Variants in AKAP13 observed in about 807,000 individuals in gnomAD.
AKAP13 encodes A-kinase anchoring protein 13.
AKAP13 carries 80 observed loss-of-function variants against 264.5 expected under a neutral mutation model. The observed-to-expected ratio is 0.30, with a 90% CI of 0.25 to 0.36. AKAP13 has a LOEUF of 0.36. Among genes scored for constraint, AKAP13 ranks in the 10% least tolerant of loss-of-function variants. The pLI is 1.00. For synonymous variants in AKAP13, 1,380 were observed against 1,250.2 expected (o/e 1.10, Z -2.19); for missense variants, 3,712 against 3,435.2 (o/e 1.08, Z -2.01).
At chr15:85,740,109 T>A in intron 33 of AKAP13, 113 bp from the exon 34 acceptor site, 3 of 1,056,912 alleles carry the variant, frequency 2.8e-6, no homozygotes, top group South Asian at 1.4e-5. Flanking sequence ...CATAAAGATA[T>A]AAGCATTTAG....
chr15:85,656,330 C>T (rs777445296), intron 11 of AKAP13, among the ~76,000 whole-genome samples: 1 of 152,204 alleles, frequency 6.6e-6, no homozygotes, highest in African/African-American at 2.4e-5. Flanking sequence ...ATTCATTTTA[C>T]ATTCATTACA....
At chr15:85,474,876 C>T (rs1297453720) in intron 1 of AKAP13, among the ~76,000 whole-genome samples, 2 of 152,186 alleles carry the variant, frequency 1.3e-5, no homozygotes, top group Non-Finnish European at 2.9e-5. Context: ...TTTTTAACGT[C>T]TCTGATCCCC....
chr15:85,726,612 GT>G, intron 27 of AKAP13, 126 bp downstream of exon 27: 1 of 766,476 alleles, frequency 1.3e-6, no homozygotes, highest in Non-Finnish European at 2.0e-6. Context: ...ATTCCTCTGA[GT>G]AATTTCCCAC....
chr15:85,635,625 G>T (rs2082038466), intron 8 of AKAP13, among the ~76,000 whole-genome samples: 1 of 151,650 alleles, frequency 6.6e-6, no homozygotes, highest in African/African-American at 2.4e-5. Flanking sequence ...AGAAATCTTT[G>T]TGTAACCGAA....
intron 16 of AKAP13, chr15:85,685,461 C>CGT (rs57756488): frequency 0.032 from 4,782 of 147,294 alleles, 80 homozygotes; most frequent in African/African-American, 0.038. Context: ...ATGTTTAAAC[C>CGT]GTGTGTGTGT....
chr15:85,626,014 G>A (rs554598356), intron 8 of AKAP13, among the ~76,000 whole-genome samples: 2 of 152,244 alleles, frequency 1.3e-5, no homozygotes, highest in Admixed American at 6.5e-5. Context: ...AATATGATAC[G>A]CTTGGTGGTA....
intron 18 of AKAP13, among the ~76,000 whole-genome samples, chr15:85,709,591 G>A (rs911981322): frequency 6.6e-6 from 1 of 152,148 alleles, no homozygotes; most frequent in Non-Finnish European, 1.5e-5. Flanking sequence ...GAATGTACTA[G>A]TTTATACAGA....
At position 85,662,255 on chromosome 15, in the gene AKAP13, T is replaced by G. The variant is rs528588019; in HGVS notation, c.4800-2308T>G. The G allele has an allele frequency of 2.3e-4, 177 of 783,186 alleles. No individual in the cohort carries two copies. In the African/African-American group the frequency reaches 2.7e-3, roughly 12 times the overall value. The allele number at this position is 783,186 out of a possible 1,614,324, so 48.5% of individuals were successfully genotyped here. ...CTTTTTAAAAATTGTCAGTGTTACATTCCTAAATTTTTTGTTGATCGCATA... is the reference window on the plus strand; with the variant it reads ...CTTTTTAAAAATTGTCAGTGTTACAGTCCTAAATTTTTTGTTGATCGCATA... On this transcript the variant is annotated intron_variant, in intron 12 of 36. Transcript: ENST00000394518.
intron 1 of AKAP13, among the ~76,000 whole-genome samples, chr15:85,387,418 T>C (rs2070629031): frequency 6.6e-6 from 1 of 152,086 alleles, no homozygotes; most frequent in Non-Finnish European, 1.5e-5. Flanking sequence ...GCAGCCTTGA[T>C]CTCCTGGGCC....
At chr15:85,616,839 C>T (rs766935297) in intron 8 of AKAP13, among the ~76,000 whole-genome samples, 12 of 152,278 alleles carry the variant, frequency 7.9e-5, no homozygotes, top group Admixed American at 4.6e-4. Context: ...CTGAGCAGAT[C>T]CAGAGGGGAA....
intron 14 of AKAP13, among the ~76,000 whole-genome samples, chr15:85,673,496 A>G (rs2084029959): frequency 6.6e-6 from 1 of 152,140 alleles, no homozygotes; most frequent in Admixed American, 6.5e-5. Flanking sequence ...AAACTTCTCC[A>G]TGGAATGTGT....
chr15:85,543,984 C>T (rs771570688), intron 5 of AKAP13, 29 bp downstream of exon 5: 10 of 1,609,476 alleles, frequency 6.2e-6, no homozygotes, highest in East Asian at 4.5e-5. Context: ...TTATTTCCCT[C>T]CTCTCATCCC....
At chr15:85,530,829 A>G (rs8030935) in intron 3 of AKAP13, among the ~76,000 whole-genome samples, 133,752 of 152,150 alleles carry the variant, frequency 0.88, 59,233 homozygotes, top group African/African-American at 0.95. Context: ...GTGAGGCTAT[A>G]TATGGTGTTT....
rs142338739 is a variant in AKAP13 at position 85,485,696 on chromosome 15, C to G, written c.-11-14C>G. 1 of 1,611,612 alleles carries G rather than the reference C, an allele frequency of 6.2e-7. No homozygotes were observed. Among genetic ancestry groups the G allele is most frequent in the Non-Finnish European group, 8.5e-7 (1 of 1,178,056 alleles). On this transcript the variant is annotated splice_polypyrimidine_tract_variant and intron_variant, in intron 1 of 36. Transcript: ENST00000394518. ...CTTTTAATTTTATTCTCATTTATTC[C>G]ATTTCTGTTTCAGTGTCCTGGGTCA...
At position 85,689,678 on chromosome 15, in the gene AKAP13, G is replaced by GT. The variant is rs2085161985; in HGVS notation, c.5290-3598dup. 2.0e-5 allele frequency among the ~76,000 whole-genome samples: 3 copies of GT among 152,306 alleles called. No homozygotes were observed. In the South Asian group the frequency reaches 6.2e-4, roughly 32 times the overall value. ...AAATGAGGAGTCTATTTTAAAATAG[G>GT]TAAGATGTGTTCCTTAACTTCCCGT... On this transcript the variant is annotated intron_variant, in intron 16 of 36. Coordinates refer to ENST00000394518, the MANE Select transcript of AKAP13 (RefSeq NM_007200.5).
chr15:85,435,884 G>A lies in AKAP13; in HGVS notation c.-11-49826G>A, dbSNP rs368584514. On this transcript the variant is annotated intron_variant, in intron 1 of 36. Coordinates refer to ENST00000394518, the MANE Select transcript of AKAP13 (RefSeq NM_007200.5). ...ATCATGCCAAAATGTAAAGACCATC[G>A]AGACTAGGAAGAAACTGCATCAACT... 2.8e-4 allele frequency among the ~76,000 whole-genome samples: 41 copies of A among 144,192 alleles called. No individual in the cohort carries two copies. The South Asian group carries it at 6.0e-3, about 21-fold the overall frequency. The allele number at this position is 144,192 out of a possible 152,430, so 94.6% of individuals were successfully genotyped here.
At chr15:85,550,983 CA>C (rs2077942968) in intron 5 of AKAP13, among the ~76,000 whole-genome samples, 1 of 152,192 alleles carries the variant, frequency 6.6e-6, no homozygotes, top group African/African-American at 2.4e-5. Context: ...AACCCCTCAG[CA>C]AACCTCGGGG....
At chr15:85,645,755 T>G in intron 9 of AKAP13, 63 bp from the exon 10 acceptor site, 1 of 1,501,278 alleles carries the variant, frequency 6.7e-7, no homozygotes, top group Non-Finnish European at 8.8e-7. Context: ...AAGTGGTTCT[T>G]TTTGTTTTTT....
chr15:85,575,902 T>C (rs1049660694), intron 6 of AKAP13, among the ~76,000 whole-genome samples: 1 of 152,110 alleles, frequency 6.6e-6, no homozygotes, highest in African/African-American at 2.4e-5. Context: ...AGGCAGATCA[T>C]GTGAGCCTGG....
Sources: gnomAD v4.1 joint callset for allele counts (sites outside exome capture counted in the v4.1 genomes callset) on GRCh38, gnomAD v4.1.1 for gene constraint, MANE v1.5 for transcripts, NCBI Gene and HGNC (gene_info 2026-07-23, HGNC 2026-07-21) for gene names.